The following PNPLA1 variants were observed in gnomAD, a reference collection of about 807,000 sequenced individuals.
PNPLA1 encodes omega-hydroxyceramide transacylase.
PNPLA1 carries 36 observed loss-of-function variants against 51.7 expected under a neutral mutation model. The ratio of observed to expected loss-of-function variants is 0.70; its 90% CI spans 0.53 to 0.92. The LOEUF (loss-of-function observed/expected upper bound fraction) is 0.92, where lower values mean the gene tolerates loss of function less well. PNPLA1 is among the 40% of genes least tolerant of loss of function. PNPLA1 has a pLI of 0.00. For missense variants in PNPLA1, 658 were observed against 682.5 expected (o/e 0.96, Z 0.40); for synonymous variants, 293 against 280.1 (o/e 1.05, Z -0.46).
chr6:36,277,718 G>A (rs1770150452), intron 1 of PNPLA1, among the ~76,000 whole-genome samples: 1 of 152,194 alleles, frequency 6.6e-6, no homozygotes, highest in Admixed American at 6.5e-5. Context: ...AAAATAATTA[G>A]CCAGGTGTGG....
At chr6:36,305,297 C>G (rs551725921) in intron 6 of PNPLA1, among the ~76,000 whole-genome samples, 7 of 152,208 alleles carry the variant, frequency 4.6e-5, no homozygotes, top group East Asian at 3.9e-4. Context: ...AGATTGGACA[C>G]CCCTGCCCTA....
chr6:36,301,423 C>T (rs549509495), intron 5 of PNPLA1, among the ~76,000 whole-genome samples: 195 of 152,302 alleles, frequency 1.3e-3, no homozygotes, highest in African/African-American at 4.4e-3. Context: ...ACAGTACCCC[C>T]GCCCCACACT....
upstream of PNPLA1, among the ~76,000 whole-genome samples, chr6:36,269,659 T>A (rs1769849535): frequency 6.6e-6 from 1 of 151,948 alleles, no homozygotes; most frequent in Non-Finnish European, 1.5e-5. Flanking sequence ...GGTCACAGGG[T>A]CAGTGAAGGG....
rs1561869120 is a variant in PNPLA1 at position 36,299,337 on chromosome 6, T to TG, written c.776-2524_776-2523insG. Among the ~76,000 whole-genome samples the TG allele has an allele frequency of 1.0e-3, 147 of 143,464 alleles. 1 individual carries two copies. The highest frequency in any genetic ancestry group is 3.8e-3 in the African/African-American group (141 of 37,066). 94.1% of individuals were successfully genotyped at this position (143,464 alleles called of 152,430 possible). A position where few individuals can be genotyped will look rare whatever the true frequency, so the allele number is the denominator to read the frequency against. On this transcript the variant is annotated intron_variant, in intron 5 of 8. Coordinates refer to ENST00000636260, the MANE Select transcript of PNPLA1 (RefSeq NM_001374623.1). ...GGGTTTTTTTTGTTTTTTTGTCTGT[T>TG]TTTTTTTTTTTTTTTGAGATGGAGT...
intron 1 of PNPLA1, among the ~76,000 whole-genome samples, chr6:36,283,701 C>A (rs938924409): frequency 6.6e-6 from 1 of 152,210 alleles, no homozygotes; most frequent in Non-Finnish European, 1.5e-5. Flanking sequence ...GTCTAGTATG[C>A]ATCCATGTGG....
At chr6:36,260,620 T>C (rs1769627121) in intron 1 of PNPLA1, among the ~76,000 whole-genome samples, 1 of 152,182 alleles carries the variant, frequency 6.6e-6, no homozygotes, top group Non-Finnish European at 1.5e-5. Context: ...AGGTAGTTTA[T>C]CCTTATATCT....
At position 36,270,617 on chromosome 6, in the gene PNPLA1, C is replaced by A. The variant is rs1207879599; in HGVS notation, c.158C>A (p.Ser53Ter). Reference protein sequence around the residue: ...LETAHRFAGTSAGAVIAALAI... With the variant: ...LETAHRFAGT Reference sequence around the variant, plus strand: ...ACAGCCCACCGCTTTGCGGGGACATCGGCAGGTGCTGTGATCGCCGCCCTG... The same window carrying A: ...ACAGCCCACCGCTTTGCGGGGACATAGGCAGGTGCTGTGATCGCCGCCCTG... Residue 53 changes from serine (S) to a stop codon, truncating the protein, a stop_gained, in exon 1 of 9, where the codon TCG becomes TAG. Transcript: ENST00000636260. LOFTEE classifies it high-confidence loss of function. The A allele has an allele frequency of 6.4e-7, 1 of 1,551,374 alleles. No homozygotes were observed. Among genetic ancestry groups the A allele is most frequent in the Admixed American group, 2.0e-5 (1 of 50,992 alleles).
At chr6:36,246,908 G>A (rs1252030186) in intron 1 of PNPLA1, among the ~76,000 whole-genome samples, 7 of 152,066 alleles carry the variant, frequency 4.6e-5, no homozygotes, top group Non-Finnish European at 8.8e-5. Context: ...GAACGCCATC[G>A]CCCCATCCCA....
intron 1 of PNPLA1, among the ~76,000 whole-genome samples, chr6:36,251,516 G>A (rs573472878): frequency 1.3e-5 from 2 of 152,316 alleles, no homozygotes; most frequent in Admixed American, 6.5e-5. Context: ...TCAAGTTCAG[G>A]TGGAAGCATT....
At chr6:36,278,036 A>G (rs1311564427) in intron 1 of PNPLA1, among the ~76,000 whole-genome samples, 1 of 151,870 alleles carries the variant, frequency 6.6e-6, no homozygotes, top group Non-Finnish European at 1.5e-5. Context: ...GCCTAGAATG[A>G]CCCTCTGCCC....
chr6:36,287,677 G>C (rs953708412), intron 1 of PNPLA1, among the ~76,000 whole-genome samples: 2 of 152,136 alleles, frequency 1.3e-5, no homozygotes, highest in Non-Finnish European at 2.9e-5. Flanking sequence ...CTGGGAGAGA[G>C]AGAAAGGAGA....
chr6:36,276,220 A>C (rs1770092844), intron 1 of PNPLA1, among the ~76,000 whole-genome samples: 1 of 152,094 alleles, frequency 6.6e-6, no homozygotes, highest in Non-Finnish European at 1.5e-5. Context: ...CGGCCTCCCA[A>C]AGTGCTGGGA....
At chr6:36,276,449 A>G (rs994979788) in intron 1 of PNPLA1, among the ~76,000 whole-genome samples, 3 of 152,212 alleles carry the variant, frequency 2.0e-5, no homozygotes, top group Non-Finnish European at 4.4e-5. Context: ...AGCACTTAAC[A>G]TAGTGCCTGG....
upstream of PNPLA1, among the ~76,000 whole-genome samples, chr6:36,269,416 C>G (rs555358757): frequency 8.5e-5 from 13 of 152,334 alleles, no homozygotes; most frequent in African/African-American, 3.1e-4. Flanking sequence ...CACCACCTCC[C>G]TTACCAAAAC....
chr6:36,261,554 G>A (rs1025564078), intron 1 of PNPLA1, among the ~76,000 whole-genome samples: 3 of 152,226 alleles, frequency 2.0e-5, no homozygotes, highest in African/African-American at 2.4e-5. Context: ...TTTGGTGAAC[G>A]TGTGTTCACC....
intron 1 of PNPLA1, among the ~76,000 whole-genome samples, chr6:36,251,227 C>A (rs1234856676): frequency 6.6e-6 from 1 of 152,054 alleles, no homozygotes; most frequent in Non-Finnish European, 1.5e-5. Context: ...TTGGCTAGAT[C>A]TTTTTGTGTT....
At chr6:36,300,785 C>T (rs1216521084) in intron 5 of PNPLA1, among the ~76,000 whole-genome samples, 3 of 152,174 alleles carry the variant, frequency 2.0e-5, no homozygotes, top group African/African-American at 4.8e-5. Context: ...AGTCACTGTG[C>T]ACAGCTCATA....
chr6:36,300,441 G>A (rs1048008207), intron 5 of PNPLA1, among the ~76,000 whole-genome samples: 23 of 152,030 alleles, frequency 1.5e-4, no homozygotes, highest in East Asian at 5.8e-4. Context: ...TAATCCGCCC[G>A]CCTCGGCCTC....
At chr6:36,307,492 C>T (rs4437463) in intron 7 of PNPLA1, 95 bp from the exon 8 acceptor site, 21 of 1,444,940 alleles carry the variant, frequency 1.5e-5, no homozygotes, top group East Asian at 4.7e-5. Context: ...AGAACCACAG[C>T]GCGGGTGTGT....
Sources: allele counts gnomAD v4.1 joint callset (sites outside exome capture counted in the v4.1 genomes callset), GRCh38; gene constraint gnomAD v4.1.1; transcripts MANE v1.5; gene names NCBI Gene and HGNC (gene_info 2026-07-23, HGNC 2026-07-21).